AP3S1: variants seen among roughly 807,000 people sequenced by gnomAD.
AP3S1 encodes adaptor related protein complex 3 subunit sigma 1, also known as AP-3 complex subunit sigma-1.
A neutral mutation model predicts 21.3 loss-of-function variants in AP3S1; 12 were observed. That is an observed-to-expected ratio of 0.56 (90% confidence interval 0.36 to 0.91). The LOEUF (loss-of-function observed/expected upper bound fraction) is 0.91, where lower values mean the gene tolerates loss of function less well. AP3S1 is among the 40% of genes least tolerant of loss of function. AP3S1 has a pLI of 0.01. For missense variants in AP3S1, 116 were observed against 225.0 expected, an observed-to-expected ratio of 0.52 and a Z score of 3.10; for synonymous variants, 48 against 78.4, an observed-to-expected ratio of 0.61 and a Z score of 2.05.
chr5:115,857,408 G>A (rs1311795465), intron 1 of AP3S1, among the ~76,000 whole-genome samples: 2 of 152,108 alleles, frequency 1.3e-5, no homozygotes, highest in African/African-American at 2.4e-5. Context: ...CTACAAATGA[G>A]GAAAACTCAG....
chr5:115,862,038 A>C (rs977663030), intron 1 of AP3S1, among the ~76,000 whole-genome samples: 23 of 151,750 alleles, frequency 1.5e-4, no homozygotes, highest in African/African-American at 5.1e-4. Context: ...TCGGTTCTTT[A>C]ACTTACTTTT....
intron 5 of AP3S1, chr5:115,909,092 A>G (rs912710795): frequency 6.0e-5 from 32 of 530,430 alleles, no homozygotes; most frequent in Non-Finnish European, 7.7e-5. Context: ...CAAACTTGAA[A>G]AAAAAAAAGA....
intron 5 of AP3S1, among the ~76,000 whole-genome samples, chr5:115,907,757 T>C (rs1751770158): frequency 6.6e-6 from 1 of 152,200 alleles, no homozygotes; most frequent in Non-Finnish European, 1.5e-5. Flanking sequence ...ACAAAACTAA[T>C]TTTTCTTCTG....
rs1029360650 is a variant in AP3S1 at position 115,908,902 on chromosome 5, A to G, written c.454-4460A>G. On this transcript the variant is annotated intron_variant, in intron 5 of 5. Coordinates refer to ENST00000316788, the MANE Select transcript of AP3S1 (RefSeq NM_001284.4). ...AAACATGCTTTCAAAATCTGCCATT[A>G]TTTTGTTAATGATTTTGAGTCTGAA... The G allele has an allele frequency of 1.4e-5, 11 of 802,520 alleles. No individual in the cohort carries two copies. In the African/African-American group the frequency reaches 2.1e-4, roughly 15 times the overall value. 49.7% of individuals were successfully genotyped at this position (802,520 alleles called of 1,614,324 possible).
intron 3 of AP3S1, among the ~76,000 whole-genome samples, chr5:115,876,490 G>A (rs1396154145): frequency 6.6e-6 from 1 of 152,132 alleles, no homozygotes; most frequent in Non-Finnish European, 1.5e-5. Context: ...ATTGGACATG[G>A]TGGAGAGACT....
At chr5:115,910,054 A>G (rs559651565) in intron 5 of AP3S1, among the ~76,000 whole-genome samples, 2 of 152,184 alleles carry the variant, frequency 1.3e-5, no homozygotes, top group Non-Finnish European at 2.9e-5. Flanking sequence ...ACTTGAGGCC[A>G]GGAGTTTGAG....
At chr5:115,902,286 G>GGAAGACAT (rs1409169779) in intron 4 of AP3S1, among the ~76,000 whole-genome samples, 1 of 152,072 alleles carries the variant, frequency 6.6e-6, no homozygotes, top group Non-Finnish European at 1.5e-5. Flanking sequence ...ACTCCCCAAT[G>GGAAGACAT]GAAGACATCA....
intron 3 of AP3S1, among the ~76,000 whole-genome samples, chr5:115,880,182 T>G (rs547691157): frequency 2.0e-5 from 3 of 152,068 alleles, no homozygotes; most frequent in Non-Finnish European, 4.4e-5. Context: ...TTTTGAAGGG[T>G]TTTTCATGTC....
At chr5:115,874,549 A>G (rs114945663) in intron 3 of AP3S1, among the ~76,000 whole-genome samples, 1,539 of 152,248 alleles carry the variant, frequency 0.01, 20 homozygotes, top group African/African-American at 0.035. Flanking sequence ...GATTAAAAAA[A>G]CAACAAAATT....
chr5:115,861,007 C>G (rs1383971110), intron 1 of AP3S1, among the ~76,000 whole-genome samples: 3 of 152,166 alleles, frequency 2.0e-5, no homozygotes, highest in African/African-American at 7.2e-5. Flanking sequence ...ATTGGCTACT[C>G]TACATCAGCC....
intron 3 of AP3S1, among the ~76,000 whole-genome samples, chr5:115,890,658 G>A (rs1355694210): frequency 6.6e-6 from 1 of 152,126 alleles, no homozygotes; most frequent in Non-Finnish European, 1.5e-5. Context: ...GGTGGGGGTG[G>A]AACTTAAGTG....
chr5:115,846,378 T>C (rs1344006386), intron 1 of AP3S1, among the ~76,000 whole-genome samples: 5 of 152,202 alleles, frequency 3.3e-5, no homozygotes, highest in African/African-American at 1.2e-4. Flanking sequence ...TCTTCAGATA[T>C]AAAATACTGT....
intron 1 of AP3S1, among the ~76,000 whole-genome samples, chr5:115,857,081 A>G (rs1762854513): frequency 6.6e-6 from 1 of 152,190 alleles, no homozygotes; most frequent in African/African-American, 2.4e-5. Flanking sequence ...CCTATGAGAA[A>G]TTCTTTCACT....
At chr5:115,844,437 A>G (rs1761908793) in intron 1 of AP3S1, among the ~76,000 whole-genome samples, 3 of 152,212 alleles carry the variant, frequency 2.0e-5, no homozygotes, top group Admixed American at 1.3e-4. Context: ...GTAAGTTCTC[A>G]CTGAGAAGGT....
intron 1 of AP3S1, among the ~76,000 whole-genome samples, chr5:115,859,781 A>G (rs1580636805): frequency 6.6e-6 from 1 of 152,340 alleles, no homozygotes; most frequent in East Asian, 1.9e-4. Context: ...GAGTTCCTAC[A>G]GAGTTATGTT....
intron 5 of AP3S1, among the ~76,000 whole-genome samples, chr5:115,912,834 G>C (rs772915364): frequency 1.3e-5 from 2 of 151,906 alleles, no homozygotes. Flanking sequence ...GTTTAAAAGA[G>C]CCCTCACAAT....
chr5:115,857,291 A>G (rs1027198397), intron 1 of AP3S1, among the ~76,000 whole-genome samples: 1 of 152,192 alleles, frequency 6.6e-6, no homozygotes, highest in East Asian at 1.9e-4. Context: ...CATGCTTATT[A>G]TATGCCAGAT....
intron 1 of AP3S1, among the ~76,000 whole-genome samples, chr5:115,854,041 G>A (rs1762627538): frequency 6.6e-6 from 1 of 152,162 alleles, no homozygotes; most frequent in Non-Finnish European, 1.5e-5. Context: ...CACGTGTGGT[G>A]AGGGCCTTCC....
In AP3S1 at chr5:115,863,269, C is replaced by T. The variant is rs368986080; in HGVS notation, c.70-3401C>T. Reference sequence around the variant, plus strand: ...AAAATTAGCTGGGCATGGTGGTGGGCGCCTGTAATCCCAGCTACTTGGGAG... The same window carrying T: ...AAAATTAGCTGGGCATGGTGGTGGGTGCCTGTAATCCCAGCTACTTGGGAG... On this transcript the variant is annotated intron_variant, in intron 1 of 5. Coordinates refer to ENST00000316788, the MANE Select transcript of AP3S1 (RefSeq NM_001284.4). 2.3e-3 allele frequency among the ~76,000 whole-genome samples: 346 copies of T among 151,472 alleles called. 1 individual carries two copies. Among genetic ancestry groups the T allele is most frequent in the African/African-American group, 8.2e-3 (338 of 41,278 alleles).
Sources: allele counts gnomAD v4.1 joint callset (sites outside exome capture counted in the v4.1 genomes callset), GRCh38; gene constraint gnomAD v4.1.1; transcripts MANE v1.5; gene names NCBI Gene and HGNC (gene_info 2026-07-23, HGNC 2026-07-21).